The following SIK3 variants were observed in gnomAD, a reference collection of about 807,000 sequenced individuals.
SIK3 encodes SIK family kinase 3.
Under a neutral mutation model 144.2 loss-of-function variants are expected in SIK3, and 28 were observed. That is an observed-to-expected ratio of 0.19 (90% CI 0.14 to 0.27). The LOEUF is 0.27. Among genes scored for constraint, SIK3 ranks in the 10% least tolerant of loss-of-function variants. SIK3 has a pLI of 1.00. For synonymous variants in SIK3, 686 were observed against 676.3 expected (o/e 1.01, Z -0.22); for missense variants, 1,319 against 1,776.0 (o/e 0.74, Z 4.62).
At chr11:116,982,618 C>T (rs1308982871) in intron 1 of SIK3, among the ~76,000 whole-genome samples, 1 of 151,790 alleles carries the variant, frequency 6.6e-6, no homozygotes, top group African/African-American at 2.4e-5. Context: ...AGTTCCAGAA[C>T]GTTATATGTA....
At chr11:116,976,631 A>G (rs1949955755) in intron 1 of SIK3, among the ~76,000 whole-genome samples, 1 of 152,192 alleles carries the variant, frequency 6.6e-6, no homozygotes, top group African/African-American at 2.4e-5. Flanking sequence ...TTGACATTCC[A>G]GATATTGATA....
At chr11:117,018,730 T>A (rs1308230273) in intron 1 of SIK3, among the ~76,000 whole-genome samples, 9 of 121,394 alleles carry the variant, frequency 7.4e-5, no homozygotes, top group African/African-American at 3.2e-4. Context: ...ATTTTTTTTT[T>A]TTGAAACAGT....
intron 1 of SIK3, among the ~76,000 whole-genome samples, chr11:116,982,291 G>GT (rs1662424188): frequency 7.1e-6 from 1 of 141,428 alleles, no homozygotes; most frequent in African/African-American, 2.6e-5. Context: ...ATGAAATGAT[G>GT]CTTTTTTTTT....
intron 1 of SIK3, among the ~76,000 whole-genome samples, chr11:116,989,783 G>A (rs1950440904): frequency 6.6e-6 from 1 of 152,154 alleles, no homozygotes; most frequent in African/African-American, 2.4e-5. Flanking sequence ...CATGAAGTAA[G>A]ATGTGGTTGG....
At chr11:116,922,907 CTTTTTTTT>C (rs202058609) in intron 4 of SIK3, among the ~76,000 whole-genome samples, 1,318 of 102,124 alleles carry the variant, frequency 0.013, 24 homozygotes, top group African/African-American at 0.039. Flanking sequence ...TTTCTTTTCT[CTTTTTTTT>C]TTTTTTTTTT....
At chr11:116,914,934 A>T (rs1009654968) in intron 4 of SIK3, among the ~76,000 whole-genome samples, 3 of 152,260 alleles carry the variant, frequency 2.0e-5, no homozygotes, top group Non-Finnish European at 4.4e-5. Flanking sequence ...TTTATGATAC[A>T]GAAGAGACTT....
chr11:116,878,404 A>G (rs1042552786), intron 6 of SIK3, among the ~76,000 whole-genome samples: 1 of 145,310 alleles, frequency 6.9e-6, no homozygotes, highest in African/African-American at 2.6e-5. Flanking sequence ...TTTTACATAG[A>G]GTCTCGCTCT....
intron 4 of SIK3, among the ~76,000 whole-genome samples, chr11:116,910,719 A>G (rs1946293597): frequency 6.6e-6 from 1 of 152,190 alleles, no homozygotes; most frequent in African/African-American, 2.4e-5. Flanking sequence ...TTTAGTTCAC[A>G]TGGCTCAAGA....
intron 23 of SIK3, 70 bp downstream of exon 23, chr11:116,847,406 C>A: frequency 6.3e-7 from 1 of 1,599,084 alleles, no homozygotes; most frequent in East Asian, 2.2e-5. Context: ...AAGAGAGGAG[C>A]AGTTACGGAA....
chr11:116,859,595 G>T lies in SIK3; in HGVS notation c.2435C>A (p.Ser812Tyr). 6.2e-7 allele frequency: 1 copy of T among 1,613,696 alleles called. No homozygotes were observed. The highest frequency in any genetic ancestry group is 1.1e-5 in the South Asian group (1 of 91,048). Residue 812 changes from serine (S) to tyrosine (Y), a missense_variant, in exon 20 of 25, where the codon TCT becomes TAT. Physicochemically the swap from Ser to Tyr is moderately radical, Grantham distance 144. Around this residue, in one of 8 missense-constraint regions of SIK3, gnomAD observed 646 missense variants for 763.7 expected, o/e 0.85. Transcript: ENST00000445177. ...SAMIQPHGAASSSQFQGLPSR... is the reference protein window; with the variant it reads ...SAMIQPHGAAYSSQFQGLPSR... Reference sequence around the variant, plus strand: ...AGGTAAGCCTTGAAACTGGGAAGAAGATGCAGCCCCTGGAGAGAAAGGAAC... The same window carrying T: ...AGGTAAGCCTTGAAACTGGGAAGAATATGCAGCCCCTGGAGAGAAAGGAAC...
At chr11:117,070,591 C>T (rs1954221261) in intron 1 of SIK3, among the ~76,000 whole-genome samples, 1 of 152,100 alleles carries the variant, frequency 6.6e-6, no homozygotes, top group East Asian at 1.9e-4. Flanking sequence ...GGATGACAGG[C>T]GCCCGCCATC....
chr11:116,854,181 A>G (rs1369105755), intron 21 of SIK3, among the ~76,000 whole-genome samples: 2 of 152,124 alleles, frequency 1.3e-5, no homozygotes, highest in Non-Finnish European at 2.9e-5. Context: ...GCGACATAGC[A>G]AGACCCCATC....
chr11:116,903,794 C>T (rs1431055606), intron 4 of SIK3, among the ~76,000 whole-genome samples: 1 of 152,080 alleles, frequency 6.6e-6, no homozygotes, highest in East Asian at 1.9e-4. Flanking sequence ...CTATGTTGTC[C>T]AGGCTGGTCT....
At chr11:117,000,485 G>T (rs1950811476) in intron 1 of SIK3, among the ~76,000 whole-genome samples, 1 of 152,140 alleles carries the variant, frequency 6.6e-6, no homozygotes, top group African/African-American at 2.4e-5. Context: ...ATGAAGCCAA[G>T]AAATAATAAA....
At chr11:116,884,433 G>A (rs1209757503) in intron 6 of SIK3, among the ~76,000 whole-genome samples, 2 of 147,268 alleles carry the variant, frequency 1.4e-5, no homozygotes, top group African/African-American at 2.5e-5. Context: ...CTGCAACCTC[G>A]CCTCCCGGGT....
intron 1 of SIK3, among the ~76,000 whole-genome samples, chr11:117,067,674 T>G (rs1334384507): frequency 6.6e-6 from 1 of 152,152 alleles, no homozygotes; most frequent in Non-Finnish European, 1.5e-5. Context: ...AAATTATGCC[T>G]CAATAAAGTT....
chr11:116,844,650 TATATATA>T lies in SIK3; in HGVS notation c.*986_*992del, dbSNP rs1424722731. ...ATATAATATATTATATTATATATTA[TATATATA>T]ATATATATATACACATATATTATAT... On this transcript the variant is annotated 3_prime_UTR_variant, in exon 25 of 25. Transcript: ENST00000445177. 30 of 107,622 alleles carry T rather than the reference TATATATA, an allele frequency of 2.8e-4. No homozygotes were observed. Among genetic ancestry groups the T allele is most frequent in the African/African-American group, 1.2e-3 (27 of 22,794 alleles). The allele number at this position is 107,622 out of a possible 1,614,324, so 6.7% of individuals were successfully genotyped here.
At chr11:116,925,511 T>C (rs1026558551) in intron 4 of SIK3, among the ~76,000 whole-genome samples, 3 of 152,204 alleles carry the variant, frequency 2.0e-5, no homozygotes, top group Non-Finnish European at 4.4e-5. Context: ...CTTGCTGCTG[T>C]TTTAACTTTC....
intron 1 of SIK3, among the ~76,000 whole-genome samples, chr11:117,019,803 C>T (rs778205167): frequency 5.9e-5 from 9 of 151,608 alleles, no homozygotes; most frequent in Non-Finnish European, 1.0e-4. Context: ...TTAGTACAGA[C>T]GGGATTTCAC....
Sources: gnomAD v4.1 joint callset for allele counts (sites outside exome capture counted in the v4.1 genomes callset) on GRCh38, gnomAD v4.1.1 for gene constraint, gnomAD v4.1.1 regional missense constraint, MANE v1.5 for transcripts, NCBI Gene and HGNC (gene_info 2026-07-23, HGNC 2026-07-21) for gene names.